The following C12orf42 variants were observed in gnomAD, a reference collection of about 807,000 sequenced individuals.
C12orf42 encodes the protein chromosome 12 open reading frame 42, also known as uncharacterized protein C12orf42.
C12orf42 carries 25 observed loss-of-function variants against 21.6 expected under a neutral mutation model. The observed-to-expected ratio is 1.16, with a 90% confidence interval of 0.84 to 1.62. The LOEUF (loss-of-function observed/expected upper bound fraction) is 1.62, where lower values mean the gene tolerates loss of function less well. Ranked by LOEUF, C12orf42 falls within the 40% of genes most tolerant of loss-of-function variation. The probability of loss-of-function intolerance (pLI) is 0.00; values close to 1 mark genes in which losing one functional copy is unlikely to be tolerated. For missense variants in C12orf42, 483 were observed against 459.3 expected (o/e 1.05, Z -0.47); for synonymous variants, 174 against 175.0 (o/e 0.99, Z 0.05).
intron 2 of C12orf42, among the ~76,000 whole-genome samples, chr12:103,409,122 C>A (rs2049395032): frequency 6.6e-6 from 1 of 152,146 alleles, no homozygotes. Flanking sequence ...ATCACAAATC[C>A]TTAACTAACA....
intron 4 of C12orf42, chr12:103,367,987 G>C: frequency 9.4e-7 from 1 of 1,060,892 alleles, no homozygotes; most frequent in Non-Finnish European, 1.3e-6. Context: ...ATAATGCGTT[G>C]TTCAAATGAA....
At chr12:103,347,544 G>A (rs1446519981) in intron 4 of C12orf42, among the ~76,000 whole-genome samples, 1 of 152,000 alleles carries the variant, frequency 6.6e-6, no homozygotes, top group Non-Finnish European at 1.5e-5. Context: ...AGGTTACATG[G>A]CAAAATTCCA....
At chr12:103,489,860 C>T (rs1955079092) in intron 1 of C12orf42, among the ~76,000 whole-genome samples, 1 of 152,214 alleles carries the variant, frequency 6.6e-6, no homozygotes, top group Admixed American at 6.5e-5. Flanking sequence ...CTTGTCACGG[C>T]TTCCCTTGGC....
At chr12:103,519,535 T>C in the C12orf42 span, among the ~76,000 whole-genome samples, 3 of 152,204 alleles carry the variant, frequency 2.0e-5, no homozygotes, top group African/African-American at 7.2e-5. Context: ...ATCCACAGAA[T>C]AGAATGGTGT....
intron 1 of C12orf42, among the ~76,000 whole-genome samples, chr12:103,493,678 G>A (rs762330763): frequency 2.4e-5 from 3 of 123,446 alleles, no homozygotes; most frequent in Non-Finnish European, 5.0e-5. Context: ...TGGTGGAGGG[G>A]AAACTACAAA....
At chr12:103,196,464 A>G in the C12orf42 span, among the ~76,000 whole-genome samples, 1 of 152,104 alleles carries the variant, frequency 6.6e-6, no homozygotes, top group Non-Finnish European at 1.5e-5. Context: ...TTGGTCAAGT[A>G]CTGAGTTTAT....
intron 5 of C12orf42, among the ~76,000 whole-genome samples, chr12:103,304,845 G>A (rs1204192719): frequency 1.3e-5 from 2 of 152,168 alleles, no homozygotes; most frequent in Non-Finnish European, 2.9e-5. Context: ...CCCTGCTTGA[G>A]CACTTCTAGC....
chr12:103,511,925 TG>T, the C12orf42 span, among the ~76,000 whole-genome samples: 1 of 152,126 alleles, frequency 6.6e-6, no homozygotes, highest in Admixed American at 6.5e-5. Context: ...TTCACTCCTA[TG>T]TATTGGAGAG....
At chr12:103,122,760 T>G in the C12orf42 span, among the ~76,000 whole-genome samples, 1 of 152,184 alleles carries the variant, frequency 6.6e-6, no homozygotes, top group African/African-American at 2.4e-5. Flanking sequence ...AGAGAGTTTA[T>G]GACAGGAGAG....
chr12:103,109,997 T>C, the C12orf42 span, among the ~76,000 whole-genome samples: 6 of 152,048 alleles, frequency 3.9e-5, no homozygotes, highest in African/African-American at 1.4e-4. Flanking sequence ...GCCTCAAGTT[T>C]ATAAAAATAA....
chr12:103,058,495 TC>T, the C12orf42 span, among the ~76,000 whole-genome samples: 38 of 152,324 alleles, frequency 2.5e-4, no homozygotes, highest in African/African-American at 5.8e-4. Flanking sequence ...CAAATAGAAA[TC>T]TACAGAACTC....
chr12:103,316,483 T>A (rs1433871665), intron 4 of C12orf42, among the ~76,000 whole-genome samples: 1 of 151,978 alleles, frequency 6.6e-6, no homozygotes, highest in Non-Finnish European at 1.5e-5. Context: ...ATAATATAGG[T>A]CATAAACTCA....
the C12orf42 span, among the ~76,000 whole-genome samples, chr12:103,510,518 A>G: frequency 6.6e-6 from 1 of 152,082 alleles, no homozygotes; most frequent in South Asian, 2.1e-4. Context: ...ATAAAAAATT[A>G]TAAAACAAAA....
chr12:103,192,376 G>C, the C12orf42 span, among the ~76,000 whole-genome samples: 11 of 151,926 alleles, frequency 7.2e-5, no homozygotes, highest in African/African-American at 2.4e-4. Flanking sequence ...GGTGGAGTGT[G>C]CCTGTAGTCC....
At chr12:103,047,649 T>C in the C12orf42 span, among the ~76,000 whole-genome samples, 1 of 152,192 alleles carries the variant, frequency 6.6e-6, no homozygotes, top group Admixed American at 6.5e-5. Flanking sequence ...AACCATTTAT[T>C]TGGTTTCTGG....
the C12orf42 span, among the ~76,000 whole-genome samples, chr12:103,221,424 G>A: frequency 2.6e-5 from 4 of 152,194 alleles, no homozygotes; most frequent in Non-Finnish European, 5.9e-5. Context: ...CCAGAATCAA[G>A]TCCAGTCTCA....
chr12:103,484,039 A>G (rs1372071840), intron 1 of C12orf42, among the ~76,000 whole-genome samples: 1 of 152,028 alleles, frequency 6.6e-6, no homozygotes, highest in East Asian at 1.9e-4. Flanking sequence ...TACGTGCCAC[A>G]TTTTCTTAAT....
At chr12:103,214,023 G>A in the C12orf42 span, among the ~76,000 whole-genome samples, 1 of 152,336 alleles carries the variant, frequency 6.6e-6, no homozygotes, top group Non-Finnish European at 1.5e-5. Context: ...CAATGACAAT[G>A]ATCACTAATG....
At chr12:103,367,360 T>C (rs753676411) in intron 4 of C12orf42, among the ~76,000 whole-genome samples, 1 of 151,300 alleles carries the variant, frequency 6.6e-6, no homozygotes, top group Non-Finnish European at 1.5e-5. Context: ...ACTCTGATGA[T>C]GGGTGCACCA....
Sources: gnomAD v4.1 joint callset for allele counts (sites outside exome capture counted in the v4.1 genomes callset) on GRCh38, gnomAD v4.1.1 for gene constraint, MANE v1.5 for transcripts, NCBI Gene and HGNC (gene_info 2026-07-23, HGNC 2026-07-21) for gene names.